GRB10: variants seen among roughly 807,000 people sequenced by gnomAD.
GRB10 encodes the protein growth factor receptor bound protein 10, also known as growth factor receptor-bound protein 10.
In GRB10, 20 loss-of-function variants were observed where a neutral mutation model predicts 80.9. That is an observed-to-expected ratio of 0.25 (90% CI 0.17 to 0.36). The LOEUF (loss-of-function observed/expected upper bound fraction) is 0.36, where lower values mean the gene tolerates loss of function less well. Ranked by LOEUF, GRB10 falls within the 10% of genes least tolerant of loss-of-function variation. GRB10 has a pLI of 1.00. For missense variants in GRB10, 548 were observed against 747.7 expected (o/e 0.73, Z 3.12); for synonymous variants, 291 against 291.5 (o/e 1.00, Z 0.02).
chr7:50,786,693 G>T (rs539587605), upstream of GRB10, among the ~76,000 whole-genome samples: 1 of 152,324 alleles, frequency 6.6e-6, no homozygotes, highest in African/African-American at 2.4e-5. Context: ...GACATGCAAG[G>T]TCTCAAAAAG....
At chr7:50,725,430 A>G (rs2068483242) in intron 4 of GRB10, among the ~76,000 whole-genome samples, 1 of 152,164 alleles carries the variant, frequency 6.6e-6, no homozygotes, top group East Asian at 1.9e-4. Context: ...ACCCAGTCCC[A>G]GGCAGTTCTT....
chr7:50,619,937 C>A (rs4947718), intron 8 of GRB10, among the ~76,000 whole-genome samples: 31 of 152,308 alleles, frequency 2.0e-4, no homozygotes, highest in Admixed American at 2.0e-3. Context: ...CACACACACA[C>A]ATGCACGTAC....
intron 3 of GRB10, among the ~76,000 whole-genome samples, chr7:50,734,513 C>T (rs1057149132): frequency 6.6e-6 from 1 of 152,178 alleles, no homozygotes; most frequent in African/African-American, 2.4e-5. Context: ...AGTCTCCCAG[C>T]TCATCCGTGG....
intron 17 of GRB10, 85 bp downstream of exon 17, chr7:50,603,913 G>C: frequency 1.8e-6 from 2 of 1,104,834 alleles, no homozygotes; most frequent in Non-Finnish European, 2.8e-6. Flanking sequence ...TGTCCAGCAA[G>C]GATGTCTGAG....
chr7:50,713,638 A>C (rs2066300554), intron 4 of GRB10, among the ~76,000 whole-genome samples: 16 of 99,740 alleles, frequency 1.6e-4, no homozygotes, highest in South Asian at 3.8e-4. Context: ...CATCACCTCC[A>C]CCTCCCCCAT....
intron 4 of GRB10, among the ~76,000 whole-genome samples, chr7:50,720,457 G>A (rs1474260265): frequency 6.6e-6 from 1 of 152,042 alleles, no homozygotes; most frequent in Non-Finnish European, 1.5e-5. Context: ...CATAACCGGT[G>A]GCAGCAAACA....
intron 7 of GRB10, among the ~76,000 whole-genome samples, chr7:50,650,007 G>A (rs1428829124): frequency 6.6e-6 from 1 of 152,168 alleles, no homozygotes; most frequent in Non-Finnish European, 1.5e-5. Context: ...GCATCTGACG[G>A]CATGGGGCCA....
Position 50,703,851 on chromosome 7 carries a change from C to A in GRB10, c.109G>T (p.Ala37Ser), listed in dbSNP as rs180853209. 4.3e-6 allele frequency: 7 copies of A among 1,612,834 alleles called. No homozygotes were observed. The African/African-American group carries it at 5.3e-5, about 12-fold the overall frequency. ...TGATTCGCAAGTCGGTCAGACTGTG[C>A]GGGGAGTCCTGGTCCTGCCGGGTCT... is the stretch of plus-strand genomic sequence containing the variant. ...QQDPAGPGLP[A>S]QSDRLANHQE... Residue 37 changes from alanine (A) to serine (S), a missense_variant, in exon 5 of 19, where the codon GCA (alanine) becomes TCA (serine). Ala to Ser is a moderately conservative substitution (Grantham distance 99). Transcript: ENST00000401949.
upstream of GRB10, among the ~76,000 whole-genome samples, chr7:50,785,393 C>T (rs2078650771): frequency 6.6e-6 from 1 of 152,210 alleles, no homozygotes; most frequent in Non-Finnish European, 1.5e-5. Context: ...TCTATTGAGC[C>T]GCATCTGATG....
At chr7:50,639,757 G>T (rs925920566) in intron 7 of GRB10, among the ~76,000 whole-genome samples, 21 of 152,120 alleles carry the variant, frequency 1.4e-4, no homozygotes, top group Non-Finnish European at 2.5e-4. Flanking sequence ...GGCTAAGGGG[G>T]TGGACAACAA....
chr7:50,721,107 C>G (rs1440012644), intron 4 of GRB10, among the ~76,000 whole-genome samples: 1 of 152,198 alleles, frequency 6.6e-6, no homozygotes, highest in Non-Finnish European at 1.5e-5. Flanking sequence ...GTAAAGGTAC[C>G]CAAACACGAA....
At chr7:50,661,359 A>G (rs555467145) in intron 7 of GRB10, among the ~76,000 whole-genome samples, 1 of 152,358 alleles carries the variant, frequency 6.6e-6, no homozygotes, top group South Asian at 2.1e-4. Context: ...GAGCTAAGAC[A>G]AGATTTATGT....
At chr7:50,689,658 A>G (rs1228463642) in intron 5 of GRB10, among the ~76,000 whole-genome samples, 1 of 152,154 alleles carries the variant, frequency 6.6e-6, no homozygotes, top group East Asian at 1.9e-4. Context: ...GTGTCTACCC[A>G]TGGGTAAGAA....
chr7:50,705,198 G>T (rs997682777), intron 4 of GRB10: 2 of 985,674 alleles, frequency 2.0e-6, no homozygotes, highest in Admixed American at 6.2e-5. Flanking sequence ...ACTCACAATG[G>T]GGGGAAGCAG....
At position 50,773,321 on chromosome 7, in the gene GRB10, T is replaced by C. The variant is rs2077166213; in HGVS notation, c.-217+7306A>G. On this transcript the variant is annotated intron_variant, in intron 2 of 18. Transcript: ENST00000401949. ...ACGATGTAACACCTATTAGGACAGC[T>C]ATAAGGAAAGAAAGGGGAAGGGGAA... 2.9e-5 allele frequency among the ~76,000 whole-genome samples: 4 copies of C among 138,084 alleles called. No homozygotes were observed. In the South Asian group the frequency reaches 9.2e-4, roughly 32 times the overall value. The allele number at this position is 138,084 out of a possible 152,430, so 90.6% of individuals were successfully genotyped here. A position where few individuals can be genotyped will look rare whatever the true frequency, so the allele number is the denominator to read the frequency against.
chr7:50,746,387 T>TA (rs2072905038), intron 3 of GRB10, among the ~76,000 whole-genome samples: 1 of 152,322 alleles, frequency 6.6e-6, no homozygotes, highest in Admixed American at 6.5e-5. Flanking sequence ...ATTTTCAACT[T>TA]ACGACATTTG....
intron 7 of GRB10, among the ~76,000 whole-genome samples, chr7:50,664,644 C>A (rs886774113): frequency 6.6e-6 from 1 of 152,282 alleles, no homozygotes; most frequent in Middle Eastern, 3.4e-3. Context: ...GAGGGTCTGA[C>A]GCAAAGGAGG....
intron 5 of GRB10, among the ~76,000 whole-genome samples, chr7:50,677,094 A>G (rs1190349517): frequency 2.6e-5 from 4 of 152,154 alleles, no homozygotes; most frequent in Non-Finnish European, 5.9e-5. Flanking sequence ...ACTGGGTGAA[A>G]TCAGCAGCTG....
chr7:50,664,566 CT>C (rs1449330305), intron 7 of GRB10, among the ~76,000 whole-genome samples: 4 of 152,220 alleles, frequency 2.6e-5, no homozygotes, highest in South Asian at 2.1e-4. Context: ...TGTGGTGCCC[CT>C]CCCTCCCGAC....
Sources: gnomAD v4.1 joint callset for allele counts (sites outside exome capture counted in the v4.1 genomes callset) on GRCh38, gnomAD v4.1.1 for gene constraint, MANE v1.5 for transcripts, NCBI Gene and HGNC (gene_info 2026-07-23, HGNC 2026-07-21) for gene names.